DNM3: variants seen among roughly 807,000 people sequenced by gnomAD.
DNM3 encodes dynamin 3.
In DNM3, 47 loss-of-function variants were observed where a neutral mutation model predicts 101.6. The ratio of observed to expected loss-of-function variants is 0.46; its 90% CI spans 0.37 to 0.59. DNM3 has a LOEUF of 0.59. Ranked by LOEUF, DNM3 falls within the 20% of genes least tolerant of loss-of-function variation. DNM3 has a pLI of 0.00. For synonymous variants in DNM3, 385 were observed against 387.9 expected (o/e 0.99, Z 0.09); for missense variants, 849 against 1,085.7 (o/e 0.78, Z 3.06).
intron 13 of DNM3, among the ~76,000 whole-genome samples, chr1:172,116,201 T>A (rs1455361594): frequency 6.6e-6 from 1 of 152,220 alleles, no homozygotes; most frequent in Admixed American, 6.5e-5. Flanking sequence ...TACATGCATC[T>A]TCCCCTTTTT....
intron 14 of DNM3, among the ~76,000 whole-genome samples, chr1:172,151,523 G>A (rs2058127550): frequency 6.6e-6 from 1 of 152,090 alleles, no homozygotes; most frequent in Admixed American, 6.6e-5. Context: ...AATTTACTTT[G>A]TTTCCATCTC....
At chr1:172,294,872 A>G (rs1226050850) in intron 15 of DNM3, among the ~76,000 whole-genome samples, 1 of 150,566 alleles carries the variant, frequency 6.6e-6, no homozygotes, top group East Asian at 1.9e-4. Context: ...AGATCGCGCC[A>G]CTGCACTACA....
At chr1:171,880,326 T>C (rs906181503) in intron 1 of DNM3, among the ~76,000 whole-genome samples, 7 of 152,210 alleles carry the variant, frequency 4.6e-5, no homozygotes, top group African/African-American at 1.4e-4. Flanking sequence ...AGTAATTACA[T>C]AGTCAGATGT....
intron 17 of DNM3, among the ~76,000 whole-genome samples, chr1:172,372,561 G>A (rs2149040531): frequency 6.6e-6 from 1 of 150,484 alleles, no homozygotes; most frequent in Middle Eastern, 3.4e-3. Flanking sequence ...TTGCCAGGTA[G>A]TTTATAAGTG....
chr1:172,400,739 A>G (rs1257006121), intron 20 of DNM3, among the ~76,000 whole-genome samples: 1 of 152,192 alleles, frequency 6.6e-6, no homozygotes, highest in Non-Finnish European at 1.5e-5. Context: ...CTGTTTCATG[A>G]CTTTATTAGG....
chr1:172,234,879 C>T (rs1290932552), intron 14 of DNM3, among the ~76,000 whole-genome samples: 2 of 152,182 alleles, frequency 1.3e-5, no homozygotes, highest in African/African-American at 4.8e-5. Flanking sequence ...AAATGCTAGA[C>T]CTAAAACCAT....
chr1:171,938,907 C>A, intron 2 of DNM3, among the ~76,000 whole-genome samples: 1 of 152,108 alleles, frequency 6.6e-6, no homozygotes. Context: ...TTTTTCAGGT[C>A]ACTGTTCTTT....
At chr1:172,121,162 G>A (rs2056292121) in intron 13 of DNM3, among the ~76,000 whole-genome samples, 4 of 152,060 alleles carry the variant, frequency 2.6e-5, no homozygotes, top group African/African-American at 2.4e-5. Flanking sequence ...CACATGGAGG[G>A]CCTATTAACT....
intron 6 of DNM3, among the ~76,000 whole-genome samples, chr1:172,034,330 A>G (rs929630823): frequency 6.6e-6 from 1 of 152,122 alleles, no homozygotes; most frequent in Non-Finnish European, 1.5e-5. Flanking sequence ...ATTGTTATGC[A>G]AGAATGCTAA....
intron 14 of DNM3, among the ~76,000 whole-genome samples, chr1:172,158,492 C>T (rs776666907): frequency 3.3e-5 from 5 of 151,944 alleles, no homozygotes; most frequent in Admixed American, 6.6e-5. Context: ...CATCCAGGAT[C>T]GCCTGTCCAG....
intron 17 of DNM3, among the ~76,000 whole-genome samples, chr1:172,365,358 T>C (rs897785041): frequency 1.3e-5 from 2 of 151,936 alleles, no homozygotes; most frequent in Non-Finnish European, 2.9e-5. Flanking sequence ...TAACGAGAGA[T>C]TAATTTGTAC....
intron 2 of DNM3, among the ~76,000 whole-genome samples, chr1:171,936,705 C>T (rs2041449294): frequency 6.6e-6 from 1 of 151,866 alleles, no homozygotes; most frequent in Non-Finnish European, 1.5e-5. Context: ...TAAAGGGTGT[C>T]CATGTTTTAA....
At chr1:172,206,101 T>C (rs1260452762) in intron 14 of DNM3, among the ~76,000 whole-genome samples, 1 of 152,142 alleles carries the variant, frequency 6.6e-6, no homozygotes, top group Non-Finnish European at 1.5e-5. Context: ...AATAAGTCTT[T>C]AAATATTGGG....
rs1278836491 is a variant in DNM3 at position 172,069,935 on chromosome 1, G to A, written c.1422+1030G>A. On this transcript the variant is annotated intron_variant, in intron 11 of 20. Coordinates refer to ENST00000627582, the MANE Select transcript of DNM3 (RefSeq NM_015569.5). ...ATAAAAGAGAGAGGAAAAAACCACA[G>A]GGAGAGACACACACAGCACACAGAG... Among the ~76,000 whole-genome samples the A allele has an allele frequency of 2.0e-5, 3 of 152,136 alleles. No individual in the cohort carries two copies. In the East Asian group the frequency reaches 5.8e-4, roughly 29 times the overall value.
chr1:172,319,203 G>A (rs926155106), intron 16 of DNM3, among the ~76,000 whole-genome samples: 2 of 152,030 alleles, frequency 1.3e-5, no homozygotes, highest in Admixed American at 6.6e-5. Context: ...AGCTGAAACT[G>A]GATCCCTTCC....
At chr1:172,078,568 CTT>C (rs954556085) in intron 11 of DNM3, among the ~76,000 whole-genome samples, 3 of 151,850 alleles carry the variant, frequency 2.0e-5, no homozygotes, top group African/African-American at 4.8e-5. Flanking sequence ...GGTCTTGACT[CTT>C]TATTCAATTT....
intron 4 of DNM3, among the ~76,000 whole-genome samples, chr1:171,997,057 G>A (rs2046046863): frequency 2.0e-5 from 3 of 151,702 alleles, no homozygotes; most frequent in South Asian, 4.2e-4. Flanking sequence ...ACACTTAGTC[G>A]AAATAGCTAA....
chr1:171,887,961 A>G (rs899514673), intron 1 of DNM3, among the ~76,000 whole-genome samples: 4 of 152,100 alleles, frequency 2.6e-5, no homozygotes, highest in African/African-American at 9.7e-5. Context: ...TTGAAAGTCA[A>G]AAAGGATTTT....
intron 17 of DNM3, among the ~76,000 whole-genome samples, chr1:172,367,895 G>C (rs2068106689): frequency 6.6e-6 from 1 of 151,706 alleles, no homozygotes; most frequent in African/African-American, 2.4e-5. Flanking sequence ...TTGAATCATG[G>C]GGGTGGTTTC....
Sources: allele counts gnomAD v4.1 joint callset (sites outside exome capture counted in the v4.1 genomes callset), GRCh38; gene constraint gnomAD v4.1.1; transcripts MANE v1.5; gene names NCBI Gene and HGNC (gene_info 2026-07-23, HGNC 2026-07-21).